Variants in MAPK6 observed in about 807,000 individuals in gnomAD.
MAPK6 encodes the protein ERK-3.
MAPK6 carries 19 observed loss-of-function variants against 59.3 expected under a neutral mutation model. That is an observed-to-expected ratio of 0.32 (90% CI 0.22 to 0.47). The LOEUF is 0.47. Ranked by LOEUF, MAPK6 falls within the 20% of genes least tolerant of loss-of-function variation. MAPK6 has a pLI of 1.00. For missense variants in MAPK6, 724 were observed against 847.9 expected, an observed-to-expected ratio of 0.85 and a Z score of 1.81; for synonymous variants, 316 against 290.3, an observed-to-expected ratio of 1.09 and a Z score of -0.90.
chr15:52,012,452 C>A (rs1053221839), intron 3 of MAPK6, among the ~76,000 whole-genome samples: 1 of 152,176 alleles, frequency 6.6e-6, no homozygotes, highest in African/African-American at 2.4e-5. Flanking sequence ...GGCATCTGCT[C>A]ACACTGCATT....
chr15:52,034,564 C>A (rs903021770), intron 1 of MAPK6, among the ~76,000 whole-genome samples: 1 of 152,164 alleles, frequency 6.6e-6, no homozygotes, highest in Non-Finnish European at 1.5e-5. Context: ...CCTCGGCCCC[C>A]CAAAGTGCTA....
chr15:52,065,898 C>T lies in MAPK6; in HGVS notation c.*898C>T, dbSNP rs1204174854. ...TATAGGAATTTGTATTTTGGAGGTG[C>T]TTGATCTATCTACAAAGAAAAATTA... On this transcript the variant is annotated 3_prime_UTR_variant, in exon 6 of 6. Coordinates refer to ENST00000261845, the MANE Select transcript of MAPK6 (RefSeq NM_002748.4). 2 of 152,404 alleles carry T rather than the reference C, an allele frequency of 1.3e-5. No individual in the cohort carries two copies. The highest frequency in any genetic ancestry group is 6.6e-5 in the Admixed American group (1 of 15,246). The allele number at this position is 152,404 out of a possible 1,614,324, so 9.4% of individuals were successfully genotyped here.
Position 52,063,996 on chromosome 15 carries a change from G to A in MAPK6, c.1162G>A (p.Val388Ile). The A allele has an allele frequency of 6.2e-7, 1 of 1,613,718 alleles. No homozygotes were observed. ...VQLDPRALSD[V>I]TDEEEVQVDP... ...GCTTGATCCAAGAGCTCTGTCCGAT[G>A]TCACTGATGAAGAAGAAGTACAAGT... The change falls in exon 6 of 6, where the codon GTC (valine) becomes ATC (isoleucine). Residue 388 changes from valine to isoleucine, a missense_variant. Val to Ile is a conservative substitution (Grantham distance 29). Coordinates refer to ENST00000261845, the MANE Select transcript of MAPK6 (RefSeq NM_002748.4).
chr15:52,032,283 C>T (rs370103188), intron 1 of MAPK6, among the ~76,000 whole-genome samples: 7 of 150,744 alleles, frequency 4.6e-5, no homozygotes, highest in African/African-American at 1.5e-4. Context: ...CTCCGACTCC[C>T]TGGTTTAAGC....
intron 3 of MAPK6, among the ~76,000 whole-genome samples, chr15:52,010,179 T>A (rs1301448753): frequency 1.3e-5 from 2 of 152,180 alleles, no homozygotes; most frequent in African/African-American, 4.8e-5. Flanking sequence ...GGTAGGAACT[T>A]GATAAATGAT....
At chr15:52,053,598 GATT>G (rs2031859123) in intron 3 of MAPK6, among the ~76,000 whole-genome samples, 1 of 2,284 alleles carries the variant, frequency 4.4e-4, no homozygotes, top group African/African-American at 8.0e-4. Context: ...AAGATTGATT[GATT>G]GGTTGATTGA....
rs2031601993 is a variant in MAPK6, at chr15:52,046,681, A to T, written c.221A>T (p.His74Leu). 1 of 1,614,212 alleles carries T rather than the reference A, an allele frequency of 6.2e-7. No homozygotes were observed. The highest frequency in any genetic ancestry group is 1.1e-5 in the South Asian group (1 of 91,080). ...REIKIIRRLD[H>L]DNIVKVFEIL... ...ATCAAAATTATTAGAAGACTTGACC[A>T]TGATAACATTGTGAAAGTGTTTGAG... Residue 74 changes from histidine to leucine, a missense_variant, in exon 2 of 6, where the codon CAT becomes CTT. Transcript: ENST00000261845.
upstream of MAPK6, among the ~76,000 whole-genome samples, chr15:52,018,253 T>C (rs2030337494): frequency 6.6e-6 from 1 of 152,140 alleles, no homozygotes; most frequent in South Asian, 2.1e-4. Context: ...GGTCTCGAAC[T>C]CCTGGCCTCA....
At chr15:51,980,881 C>T (rs1484809867) in intron 1 of MAPK6, among the ~76,000 whole-genome samples, 2 of 151,502 alleles carry the variant, frequency 1.3e-5, no homozygotes, top group South Asian at 2.1e-4. Flanking sequence ...CATGAGCCAC[C>T]GCACCCAGCC....
chr15:52,046,727 C>G lies in MAPK6; in HGVS notation c.267C>G (p.Ser89Arg). The change falls in exon 2 of 6, where the codon AGC becomes AGG. Residue 89 changes from serine (S) to arginine (R), a missense_variant. By Grantham distance (110) the Ser-to-Arg change is moderately radical. Around this residue, in one of 4 missense-constraint regions of MAPK6, gnomAD observed 87 missense variants for 93.0 expected, o/e 0.93. Coordinates refer to ENST00000261845, the MANE Select transcript of MAPK6 (RefSeq NM_002748.4). ...TTGAGATTCTTGGTCCCAGTGGAAG[C>G]CAATTAACAGACGATGTGGGCTCTC... ...KVFEILGPSG[S>R]QLTDDVGSLT... 6.2e-7 allele frequency: 1 copy of G among 1,614,154 alleles called. No individual in the cohort carries two copies. Among genetic ancestry groups the G allele is most frequent in the South Asian group, 1.1e-5 (1 of 91,076 alleles).
At chr15:51,984,176 G>A (rs1475586831) in intron 2 of MAPK6, among the ~76,000 whole-genome samples, 1 of 152,068 alleles carries the variant, frequency 6.6e-6, no homozygotes, top group Non-Finnish European at 1.5e-5. Context: ...ATACTAAGTA[G>A]CAAATAAAAA....
chr15:52,017,266 A>C (rs939172300), upstream of MAPK6: 1 of 152,162 alleles, frequency 6.6e-6, no homozygotes, highest in Non-Finnish European at 1.5e-5. Flanking sequence ...TAGTTCTTAC[A>C]GGTTTTGGGA....
chr15:52,035,871 CTTAT>C, intron 1 of MAPK6, among the ~76,000 whole-genome samples: 1 of 152,138 alleles, frequency 6.6e-6, no homozygotes. Flanking sequence ...TCTGATTTAG[CTTAT>C]TTATTATTTA....
intron 1 of MAPK6, among the ~76,000 whole-genome samples, chr15:52,024,338 C>T (rs1395589584): frequency 6.6e-6 from 1 of 151,884 alleles, no homozygotes; most frequent in African/African-American, 2.4e-5. Flanking sequence ...ACGTTAGAAT[C>T]TTGACTTCAT....
rs185593931 is a variant in MAPK6, at chr15:52,022,492, G to A, written c.-632+3116G>A. ...GCCCAGGCTGTTCTTGAACTCCTGGGCTCAAGCAATCTGCCTGCCTCAGCC... is the reference window on the plus strand; with the variant it reads ...GCCCAGGCTGTTCTTGAACTCCTGGACTCAAGCAATCTGCCTGCCTCAGCC... On this transcript the variant is annotated intron_variant, in intron 1 of 5. Transcript: ENST00000261845. Among the ~76,000 whole-genome samples the A allele has an allele frequency of 7.6e-3, 1,154 of 152,210 alleles. 7 individuals carry two copies. Among genetic ancestry groups the A allele is most frequent in the South Asian group, 0.011 (54 of 4,828 alleles).
chr15:52,029,396 G>GT lies in MAPK6; in HGVS notation c.-632+10029dup, dbSNP rs895914792. On this transcript the variant is annotated intron_variant, in intron 1 of 5. Coordinates refer to ENST00000261845, the MANE Select transcript of MAPK6 (RefSeq NM_002748.4). Reference sequence around the variant, plus strand: ...ACCTAAGACAGGATAAAACTCCTGGGTTTTTTTTTCACCCTCTTTTTCTAA... The same window carrying GT: ...ACCTAAGACAGGATAAAACTCCTGGGTTTTTTTTTTCACCCTCTTTTTCTAA... Among the ~76,000 whole-genome samples the GT allele has an allele frequency of 5.3e-5, 8 of 150,374 alleles. No individual in the cohort carries two copies. The South Asian group carries it at 1.3e-3, about 24-fold the overall frequency.
At chr15:52,047,880 T>C (rs2031644161) in intron 2 of MAPK6, among the ~76,000 whole-genome samples, 1 of 152,204 alleles carries the variant, frequency 6.6e-6, no homozygotes. Flanking sequence ...CATAAACAAT[T>C]GGTAATAAGT....
At chr15:52,022,174 GA>G (rs950581187) in intron 1 of MAPK6, among the ~76,000 whole-genome samples, 3 of 151,758 alleles carry the variant, frequency 2.0e-5, no homozygotes, top group African/African-American at 7.3e-5. Context: ...TAAAATAAAA[GA>G]AAAAAAATTT....
upstream of MAPK6, among the ~76,000 whole-genome samples, chr15:52,016,108 A>ACACAC (rs1233223251): frequency 7.5e-6 from 1 of 133,538 alleles, no homozygotes; most frequent in Non-Finnish European, 1.6e-5. Context: ...ACACACACAC[A>ACACAC]AACTAAAACT....
Sources: allele counts gnomAD v4.1 joint callset (sites outside exome capture counted in the v4.1 genomes callset), GRCh38; gene constraint gnomAD v4.1.1; regional missense constraint gnomAD v4.1.1; transcripts MANE v1.5; gene names NCBI Gene and HGNC (gene_info 2026-07-23, HGNC 2026-07-21).